EPB41L5: variants seen among roughly 807,000 people sequenced by gnomAD.
The protein encoded by EPB41L5 is band 4.1-like protein 5.
A neutral mutation model predicts 106.6 loss-of-function variants in EPB41L5; 55 were observed. The ratio of observed to expected loss-of-function variants is 0.52; its 90% confidence interval spans 0.42 to 0.65. The LOEUF is 0.65. EPB41L5 is among the 30% of genes least tolerant of loss of function. EPB41L5 has a pLI of 0.00. For missense variants in EPB41L5, 871 were observed against 882.1 expected, an observed-to-expected ratio of 0.99 and a Z score of 0.16; for synonymous variants, 297 against 306.7, an observed-to-expected ratio of 0.97 and a Z score of 0.33.
At chr2:120,104,694 T>C (rs935607794) in intron 16 of EPB41L5, 2 of 975,292 alleles carry the variant, frequency 2.1e-6, no homozygotes, top group Non-Finnish European at 2.4e-6. Flanking sequence ...AAAAACTTGT[T>C]CTTATACACT....
intron 3 of EPB41L5, among the ~76,000 whole-genome samples, chr2:120,071,544 G>A (rs1384548661): frequency 6.6e-6 from 1 of 152,224 alleles, no homozygotes; most frequent in Non-Finnish European, 1.5e-5. Context: ...CAAGGCTACA[G>A]TAACCAAAAC....
intron 18 of EPB41L5, among the ~76,000 whole-genome samples, chr2:120,142,116 A>T (rs79708631): frequency 0.04 from 680 of 17,076 alleles, 12 homozygotes; most frequent in African/African-American, 0.06. Flanking sequence ...TCTTTTTTAA[A>T]AAAAAAAAAA....
intron 22 of EPB41L5, among the ~76,000 whole-genome samples, chr2:120,166,560 C>T (rs1687421230): frequency 6.6e-6 from 1 of 151,922 alleles, no homozygotes; most frequent in African/African-American, 2.4e-5. Context: ...GCCTTGGCCT[C>T]CCGAGTAGCT....
chr2:120,024,903 C>T (rs529048520), intron 2 of EPB41L5, among the ~76,000 whole-genome samples: 5 of 152,104 alleles, frequency 3.3e-5, no homozygotes, highest in African/African-American at 7.2e-5. Context: ...GGATTCGGTT[C>T]GCCAGTATTT....
chr2:120,042,046 A>G lies in EPB41L5; in HGVS notation c.221A>G (p.Tyr74Cys), dbSNP rs758182899. Residue 74 changes from tyrosine to cysteine, a missense_variant, in exon 3 of 25, where the codon TAC (tyrosine) becomes TGC (cysteine). Coordinates refer to ENST00000263713, the MANE Select transcript of EPB41L5 (RefSeq NM_020909.4). ...KGQELFDQIMYHLDLIESDYF... is the reference protein window; with the variant it reads ...KGQELFDQIMCHLDLIESDYF... ...CAAGAGTTGTTTGATCAGATTATGTACCACCTGGACCTGATTGAAAGCGAC... is the reference window on the plus strand; with the variant it reads ...CAAGAGTTGTTTGATCAGATTATGTGCCACCTGGACCTGATTGAAAGCGAC... 2 of 1,613,536 alleles carry G rather than the reference A, an allele frequency of 1.2e-6. No homozygotes were observed. Among genetic ancestry groups the G allele is most frequent in the Non-Finnish European group, 1.7e-6 (2 of 1,179,598 alleles).
At chr2:120,045,740 C>T (rs576695827) in intron 3 of EPB41L5, among the ~76,000 whole-genome samples, 1 of 152,126 alleles carries the variant, frequency 6.6e-6, no homozygotes, top group South Asian at 2.1e-4. Context: ...CGTATGTATA[C>T]ATGTGACATT....
intron 10 of EPB41L5, among the ~76,000 whole-genome samples, chr2:120,082,553 T>A (rs981050523): frequency 7.2e-5 from 11 of 152,204 alleles, no homozygotes; most frequent in African/African-American, 2.7e-4. Flanking sequence ...TCAGGGATAT[T>A]GGTCTAAAAT....
At position 120,177,099 on chromosome 2, in the gene EPB41L5, AGCT is replaced by A; in HGVS notation, c.*2204_*2206del. On this transcript the variant is annotated 3_prime_UTR_variant, in exon 25 of 25. Transcript: ENST00000263713. The stretch of plus-strand genomic sequence containing the variant: ...GTGTTGGGGATTGGTTTCCTGTCAT[AGCT>A]GCTGCTGCTGCCATGCGCAGAGCTG... The A allele has an allele frequency of 2.0e-5, 3 of 152,320 alleles. No individual in the cohort carries two copies. Among genetic ancestry groups the A allele is most frequent in the Non-Finnish European group, 2.9e-5 (2 of 68,068 alleles). 9.4% of individuals were successfully genotyped at this position (152,320 alleles called of 1,614,324 possible).
chr2:120,031,286 C>T (rs1188500793), intron 2 of EPB41L5, among the ~76,000 whole-genome samples: 1 of 152,226 alleles, frequency 6.6e-6, no homozygotes. Context: ...TTCTCCATTG[C>T]AATTCCCCTG....
At chr2:120,031,625 C>G (rs896971931) in intron 2 of EPB41L5, among the ~76,000 whole-genome samples, 1 of 152,080 alleles carries the variant, frequency 6.6e-6, no homozygotes, top group African/African-American at 2.4e-5. Context: ...GACATTGAAC[C>G]TGTAATCAAG....
chr2:120,163,092 A>C (rs556797009), intron 21 of EPB41L5, among the ~76,000 whole-genome samples: 1 of 152,206 alleles, frequency 6.6e-6, no homozygotes, highest in South Asian at 2.1e-4. Flanking sequence ...TCTCTACAAA[A>C]AATTTTTTAA....
chr2:120,105,310 A>G (rs1430319131), intron 16 of EPB41L5: 16 of 956,088 alleles, frequency 1.7e-5, no homozygotes, highest in Admixed American at 6.2e-5. Flanking sequence ...TTTTTAAACT[A>G]TGTACATAGA....
rs975290802 is a variant in EPB41L5 at position 120,176,723 on chromosome 2, T to C, written c.*1816T>C. 2 of 152,146 alleles carry C rather than the reference T, an allele frequency of 1.3e-5. No homozygotes were observed. Among genetic ancestry groups the C allele is most frequent in the African/African-American group, 4.8e-5 (2 of 41,420 alleles). The allele number at this position is 152,146 out of a possible 1,614,324, so 9.4% of individuals were successfully genotyped here. On this transcript the variant is annotated 3_prime_UTR_variant, in exon 25 of 25. Transcript: ENST00000263713. The stretch of plus-strand genomic sequence containing the variant: ...AGGACATGATGGAATGAGCATCAAA[T>C]TTTCAGTGTCTTGGCAACCGTAGAT...
intron 18 of EPB41L5, among the ~76,000 whole-genome samples, chr2:120,136,876 A>G (rs1392624212): frequency 6.6e-6 from 1 of 152,032 alleles, no homozygotes; most frequent in Non-Finnish European, 1.5e-5. Flanking sequence ...TAATCAGTGT[A>G]GACCAATGGA....
intron 18 of EPB41L5, among the ~76,000 whole-genome samples, chr2:120,140,484 A>G (rs945489964): frequency 6.6e-6 from 1 of 152,030 alleles, no homozygotes; most frequent in Non-Finnish European, 1.5e-5. Flanking sequence ...AGAATTCAGT[A>G]TTGTACTACT....
rs1687867472 is a variant in EPB41L5, at chr2:120,174,899, G to A, written c.2194G>A (p.Glu732Lys). 1 of 1,613,940 alleles carries A rather than the reference G, an allele frequency of 6.2e-7. No homozygotes were observed. Among genetic ancestry groups the A allele is most frequent in the African/African-American group, 1.3e-5 (1 of 74,904 alleles). ...GAAGCAGAAGTGTTTACTGACCACTGAGCTCTGAGGGCCTGTAGCTGGAAT... is the reference window on the plus strand; with the variant it reads ...GAAGCAGAAGTGTTTACTGACCACTAAGCTCTGAGGGCCTGTAGCTGGAAT... Reference protein sequence around the residue: ...VLKQKCLLTTEL With the variant: ...VLKQKCLLTTKL The change falls in exon 25 of 25, where the codon GAG becomes AAG. Residue 732 changes from glutamate to lysine, a missense_variant. By Grantham distance (56) the Glu-to-Lys change is moderately conservative (BLOSUM62 1). Transcript: ENST00000263713.
chr2:120,104,270 T>C, intron 16 of EPB41L5: 2 of 1,523,308 alleles, frequency 1.3e-6, no homozygotes, highest in Non-Finnish European at 1.8e-6. Context: ...TTGGGACTCT[T>C]TGTCATGCAA....
intron 2 of EPB41L5, among the ~76,000 whole-genome samples, chr2:120,032,343 A>AC (rs1162858025): frequency 6.6e-6 from 1 of 152,206 alleles, no homozygotes; most frequent in Non-Finnish European, 1.5e-5. Flanking sequence ...ATGCTACTGC[A>AC]CCCCAGCCTG....
intron 2 of EPB41L5, among the ~76,000 whole-genome samples, chr2:120,024,251 G>A (rs1678151282): frequency 6.6e-6 from 1 of 152,148 alleles, no homozygotes; most frequent in African/African-American, 2.4e-5. Flanking sequence ...TCCTTGTCTT[G>A]TGCCAGTTTT....
Sources: allele counts gnomAD v4.1 joint callset (sites outside exome capture counted in the v4.1 genomes callset), GRCh38; gene constraint gnomAD v4.1.1; transcripts MANE v1.5; gene names NCBI Gene and HGNC (gene_info 2026-07-23, HGNC 2026-07-21).